The following GRIK4 variants were observed in gnomAD, a reference collection of about 807,000 sequenced individuals.
The protein encoded by GRIK4 is glutamate ionotropic receptor kainate type subunit 4.
In GRIK4, 40 loss-of-function variants were observed where a neutral mutation model predicts 104.9. The observed-to-expected ratio is 0.38, with a 90% CI of 0.30 to 0.50. GRIK4 has a LOEUF of 0.50. GRIK4 is among the 20% of genes least tolerant of loss of function. GRIK4 has a pLI of 0.93. For missense variants in GRIK4, 1,047 were observed against 1,308.1 expected (o/e 0.80, Z 3.08); for synonymous variants, 485 against 524.9 (o/e 0.92, Z 1.04).
chr11:120,809,789 G>A (rs575046252), intron 4 of GRIK4, among the ~76,000 whole-genome samples: 1 of 152,214 alleles, frequency 6.6e-6, no homozygotes, highest in Non-Finnish European at 1.5e-5. Context: ...GAGGGGCTGG[G>A]CGTGGTGGCT....
At chr11:120,517,986 G>A (rs1168616889) in intron 1 of GRIK4, among the ~76,000 whole-genome samples, 3 of 152,336 alleles carry the variant, frequency 2.0e-5, no homozygotes, top group Middle Eastern at 3.4e-3. Flanking sequence ...TTAAGAAGGC[G>A]TGGAAGATAG....
intron 3 of GRIK4, among the ~76,000 whole-genome samples, chr11:120,753,358 G>A (rs1452722881): frequency 6.6e-6 from 1 of 150,378 alleles, no homozygotes; most frequent in Non-Finnish European, 1.5e-5. Flanking sequence ...GTGGCTAGGG[G>A]AAGACAAAGT....
intron 1 of GRIK4, among the ~76,000 whole-genome samples, chr11:120,570,736 G>A (rs1948388042): frequency 6.6e-6 from 1 of 152,198 alleles, no homozygotes; most frequent in Non-Finnish European, 1.5e-5. Context: ...GATTACAGGT[G>A]TGAATAATGC....
At chr11:120,898,830 T>TG (rs1464502525) in intron 12 of GRIK4, among the ~76,000 whole-genome samples, 191 bp downstream of exon 12, 2 of 151,946 alleles carry the variant, frequency 1.3e-5, no homozygotes, top group Non-Finnish European at 2.9e-5. Flanking sequence ...CCAGAGCAGG[T>TG]GGGGGGAGGG....
At chr11:120,661,875 C>T (rs1591780383) in intron 3 of GRIK4, among the ~76,000 whole-genome samples, 1 of 152,194 alleles carries the variant, frequency 6.6e-6, no homozygotes, top group Admixed American at 6.5e-5. Context: ...TCCCTCTTCT[C>T]CGTTCATTTT....
At chr11:120,911,999 T>G (rs771381408) in intron 13 of GRIK4, among the ~76,000 whole-genome samples, 15 of 152,240 alleles carry the variant, frequency 9.9e-5, no homozygotes, top group Non-Finnish European at 2.1e-4. Context: ...GCCTTCTAAT[T>G]TTTAAATGCG....
At chr11:120,801,946 A>AAATGCCATAAATGTTATG (rs1488364564) in intron 3 of GRIK4, among the ~76,000 whole-genome samples, 1 of 152,164 alleles carries the variant, frequency 6.6e-6, no homozygotes, top group Non-Finnish European at 1.5e-5. Flanking sequence ...GTGATACCAT[A>AAATGCCATAAATGTTATG]ACATTTATCC....
intron 13 of GRIK4, among the ~76,000 whole-genome samples, chr11:120,907,759 G>T (rs1368742042): frequency 1.3e-5 from 2 of 151,976 alleles, no homozygotes; most frequent in African/African-American, 4.8e-5. Context: ...TGCACGGTGG[G>T]CGCACAATGG....
At chr11:120,800,370 A>G (rs1437490411) in intron 3 of GRIK4, among the ~76,000 whole-genome samples, 1 of 151,972 alleles carries the variant, frequency 6.6e-6, no homozygotes, top group Non-Finnish European at 1.5e-5. Context: ...CTTCCTTTCT[A>G]GTTGCAAGGT....
rs192613651 is a variant in GRIK4, at chr11:120,967,186, C to T, written c.2267-9C>T. 8.1e-6 allele frequency: 13 copies of T among 1,611,022 alleles called. No homozygotes were observed. In the East Asian group the frequency reaches 2.2e-4, roughly 28 times the overall value. ...ACCTGTGTCCTGGGCTCTCCCGTAA[C>T]CCCCGCAGGCTCGGTTTTCCGGGAC... On this transcript the variant is annotated splice_polypyrimidine_tract_variant and intron_variant, in intron 18 of 20. Coordinates refer to ENST00000527524, the MANE Select transcript of GRIK4 (RefSeq NM_014619.5). The surrounding 1 kb of genome is among the most constrained non-coding windows in gnomAD (Gnocchi z 4.2).
intron 3 of GRIK4, among the ~76,000 whole-genome samples, chr11:120,688,158 C>A (rs1433164424): frequency 6.6e-6 from 1 of 152,176 alleles, no homozygotes; most frequent in African/African-American, 2.4e-5. Context: ...TACAGAATAT[C>A]AGCTCACCTC....
At chr11:120,883,882 AT>A (rs1955041170) in intron 11 of GRIK4, among the ~76,000 whole-genome samples, 1 of 152,190 alleles carries the variant, frequency 6.6e-6, no homozygotes, top group Admixed American at 6.5e-5. Context: ...CAGCCAGCTC[AT>A]GCCTGGAAGA....
intron 5 of GRIK4, among the ~76,000 whole-genome samples, chr11:120,818,303 G>A (rs542518846): frequency 5.3e-5 from 8 of 152,332 alleles, no homozygotes; most frequent in Non-Finnish European, 1.0e-4. Flanking sequence ...TGCCCCTGTC[G>A]GGCCTTCCCC....
chr11:120,516,986 CG>C (rs1565534838), intron 1 of GRIK4, among the ~76,000 whole-genome samples: 3 of 128,826 alleles, frequency 2.3e-5, no homozygotes, highest in African/African-American at 1.0e-4. Context: ...CGCGTGCTGC[CG>C]GGGGCCAGCT....
Position 120,967,380 on chromosome 11 carries a change from C to T in GRIK4, c.2395+57C>T. ...CCTAGAGGACCAAAGTAGCTTGTTT[C>T]TCGTGTTCAAATTCCAGGTACACAT... is the stretch of plus-strand genomic sequence containing the variant. On this transcript the variant is annotated intron_variant, in intron 19 of 20. Coordinates refer to ENST00000527524, the MANE Select transcript of GRIK4 (RefSeq NM_014619.5). This position sits in a 1 kb window ranked among gnomAD's most constrained non-coding sequence, Gnocchi z 4.2. The T allele has an allele frequency of 6.5e-7, 1 of 1,542,728 alleles. No individual in the cohort carries two copies. The highest frequency in any genetic ancestry group is 8.8e-7 in the Non-Finnish European group (1 of 1,140,412).
chr11:120,690,861 A>G (rs888079746), intron 3 of GRIK4, among the ~76,000 whole-genome samples: 1 of 152,160 alleles, frequency 6.6e-6, no homozygotes, highest in Non-Finnish European at 1.5e-5. Context: ...CCCTTCTTTT[A>G]TGTGGCTCTG....
At chr11:120,732,688 T>C (rs1373853601) in intron 3 of GRIK4, among the ~76,000 whole-genome samples, 1 of 152,226 alleles carries the variant, frequency 6.6e-6, no homozygotes, top group Non-Finnish European at 1.5e-5. Context: ...TATTCCATTG[T>C]GGTCAGAGAA....
chr11:120,759,013 T>A (rs1951698980), intron 3 of GRIK4, among the ~76,000 whole-genome samples: 2 of 152,132 alleles, frequency 1.3e-5, no homozygotes. Flanking sequence ...AAGTGATGTG[T>A]GTTACAAAAG....
chr11:120,639,434 C>T (rs1949442425), intron 1 of GRIK4, among the ~76,000 whole-genome samples: 1 of 152,146 alleles, frequency 6.6e-6, no homozygotes, highest in African/African-American at 2.4e-5. Flanking sequence ...CTCTTGGCAC[C>T]TTGGGCTCAC....
Sources: gnomAD v4.1 joint callset for allele counts (sites outside exome capture counted in the v4.1 genomes callset) on GRCh38, gnomAD v4.1.1 for gene constraint, Gnocchi (gnomAD v3.1) non-coding constraint, MANE v1.5 for transcripts, NCBI Gene and HGNC (gene_info 2026-07-23, HGNC 2026-07-21) for gene names.